Variants in WWP1 observed in about 807,000 individuals in gnomAD.
WWP1 encodes the protein WW domain containing E3 ubiquitin protein ligase 1.
A neutral mutation model predicts 130.6 loss-of-function variants in WWP1; 49 were observed. The observed-to-expected ratio is 0.38, with a 90% CI of 0.30 to 0.48. WWP1 has a LOEUF of 0.48. Ranked by LOEUF, WWP1 falls within the 20% of genes least tolerant of loss-of-function variation. The pLI is 0.99. For synonymous variants in WWP1, 332 were observed against 367.8 expected, an observed-to-expected ratio of 0.90 and a Z score of 1.11; for missense variants, 809 against 1,100.6, an observed-to-expected ratio of 0.74 and a Z score of 3.75.
intron 16 of WWP1, among the ~76,000 whole-genome samples, chr8:86,437,820 GAC>G (rs928269677): frequency 6.6e-6 from 1 of 151,658 alleles, no homozygotes; most frequent in African/African-American, 2.4e-5. Flanking sequence ...TTTTTTTTGA[GAC>G]AGAGTCTCGC....
chr8:86,364,898 T>G (rs776303417), intron 1 of WWP1, among the ~76,000 whole-genome samples: 1 of 150,764 alleles, frequency 6.6e-6, no homozygotes, highest in Non-Finnish European at 1.5e-5. Context: ...GAAAATAAAG[T>G]AAAATTAAAA....
intron 3 of WWP1, among the ~76,000 whole-genome samples, chr8:86,375,270 A>G (rs1013436192): frequency 6.6e-6 from 1 of 152,128 alleles, no homozygotes; most frequent in African/African-American, 2.4e-5. Context: ...TTATATCACC[A>G]AATTGATAAT....
At chr8:86,441,103 T>C (rs1320744580) in intron 17 of WWP1, among the ~76,000 whole-genome samples, 1 of 152,238 alleles carries the variant, frequency 6.6e-6, no homozygotes, top group Non-Finnish European at 1.5e-5. Context: ...GTAGATGCCA[T>C]GTTTTAGCCA....
intron 9 of WWP1, among the ~76,000 whole-genome samples, chr8:86,416,614 A>C (rs2130596361): frequency 6.6e-6 from 1 of 150,928 alleles, no homozygotes; most frequent in Non-Finnish European, 1.5e-5. Flanking sequence ...GTTCAGTACT[A>C]GGTTTTGAAA....
chr8:86,465,893 T>C (rs1812074864), intron 24 of WWP1, among the ~76,000 whole-genome samples: 1 of 152,202 alleles, frequency 6.6e-6, no homozygotes, highest in Non-Finnish European at 1.5e-5. Flanking sequence ...CACTGTTTTA[T>C]TTAGATGCCT....
Position 86,435,664 on chromosome 8 carries a change from AT to A in WWP1, c.1710del (p.Asn570LysfsTer18). 1 of 1,612,854 alleles carries A rather than the reference AT, an allele frequency of 6.2e-7. No homozygotes were observed. Among genetic ancestry groups the A allele is most frequent in the Non-Finnish European group, 8.5e-7 (1 of 1,179,842 alleles). On this transcript the variant is annotated frameshift_variant, in exon 16 of 25. Coordinates refer to ENST00000517970, the MANE Select transcript of WWP1 (RefSeq NM_007013.4). LOFTEE classifies it high-confidence loss of function. ...SNALPSHVKI[N>X]VSRQTLFEDS... Reference sequence around the variant, plus strand: ...GCACTACCTAGTCATGTAAAGATCAATGTGTCCCGGCAGACATTGTTTGAAG... The same window carrying A: ...GCACTACCTAGTCATGTAAAGATCAAGTGTCCCGGCAGACATTGTTTGAAG...
chr8:86,395,808 T>C (rs1563494181), intron 5 of WWP1, among the ~76,000 whole-genome samples: 1 of 152,228 alleles, frequency 6.6e-6, no homozygotes, highest in Non-Finnish European at 1.5e-5. Flanking sequence ...TTGAGATCAT[T>C]ACCAATACAA....
chr8:86,416,257 A>G (rs1275907302), intron 9 of WWP1, among the ~76,000 whole-genome samples: 2 of 152,050 alleles, frequency 1.3e-5, no homozygotes, highest in African/African-American at 4.8e-5. Flanking sequence ...AATGTAGAAA[A>G]CTCTTTCTGT....
At position 86,468,201 on chromosome 8, in the gene WWP1, A is replaced by G. The variant is rs999858415; in HGVS notation, c.*1308A>G. ...TTAAACATTTTTTAATAGCCATGGAACTGACTTCTTAAAATCTGTTGCCTA... is the reference window on the plus strand; with the variant it reads ...TTAAACATTTTTTAATAGCCATGGAGCTGACTTCTTAAAATCTGTTGCCTA... On this transcript the variant is annotated 3_prime_UTR_variant, in exon 25 of 25. Coordinates refer to ENST00000517970, the MANE Select transcript of WWP1 (RefSeq NM_007013.4). The G allele has an allele frequency of 1.8e-5, 5 of 272,172 alleles. No individual in the cohort carries two copies. The highest frequency in any genetic ancestry group is 3.6e-5 in the Non-Finnish European group (5 of 139,118). The allele number at this position is 272,172 out of a possible 1,614,324, so 16.9% of individuals were successfully genotyped here. A position where few individuals can be genotyped will look rare whatever the true frequency, so the allele number is the denominator to read the frequency against.
chr8:86,404,325 A>G (rs1348375994), intron 8 of WWP1, among the ~76,000 whole-genome samples: 1 of 152,196 alleles, frequency 6.6e-6, no homozygotes, highest in Non-Finnish European at 1.5e-5. Flanking sequence ...GATGGAATAC[A>G]TTGGTGAAAG....
Position 86,448,232 on chromosome 8 carries a change from G to A in WWP1, c.2083G>A (p.Asp695Asn), listed in dbSNP as rs1810990476. ...RMLSKKLTIKDLESIDTEFYN... is the reference protein window; with the variant it reads ...RMLSKKLTIKNLESIDTEFYN... Reference sequence around the variant, plus strand: ...GTTAAGTAAAAAACTTACTATTAAGGATTTGGAATCTATTGATACTGAATT... The same window carrying A: ...GTTAAGTAAAAAACTTACTATTAAGAATTTGGAATCTATTGATACTGAATT... The change falls in exon 19 of 25, where the codon GAT becomes AAT. Residue 695 changes from aspartate (D) to asparagine (N), a missense_variant. Around this residue, in one of 3 missense-constraint regions of WWP1, gnomAD observed 450 missense variants for 674.2 expected, o/e 0.67. Coordinates refer to ENST00000517970, the MANE Select transcript of WWP1 (RefSeq NM_007013.4). 5.7e-6 allele frequency: 9 copies of A among 1,583,222 alleles called. No homozygotes were observed. The highest frequency in any genetic ancestry group is 7.7e-6 in the Non-Finnish European group (9 of 1,172,496).
At chr8:86,390,483 A>T (rs1807243901) in intron 5 of WWP1, among the ~76,000 whole-genome samples, 1 of 152,212 alleles carries the variant, frequency 6.6e-6, no homozygotes, top group Non-Finnish European at 1.5e-5. Flanking sequence ...ACTCGCGGTC[A>T]GGAGCTGGAG....
intron 1 of WWP1, among the ~76,000 whole-genome samples, chr8:86,362,516 G>A (rs896057907): frequency 6.6e-6 from 1 of 151,990 alleles, no homozygotes; most frequent in Non-Finnish European, 1.5e-5. Flanking sequence ...AGAAGAATCG[G>A]TGACAAGCTT....
At chr8:86,403,448 A>G (rs1015792131) in intron 8 of WWP1, among the ~76,000 whole-genome samples, 3 of 152,056 alleles carry the variant, frequency 2.0e-5, no homozygotes, top group African/African-American at 7.2e-5. Context: ...GGTGTGTGCC[A>G]CCATGCCCCC....
chr8:86,463,952 T>C (rs1416220006), intron 24 of WWP1, among the ~76,000 whole-genome samples: 4 of 151,988 alleles, frequency 2.6e-5, no homozygotes, highest in Admixed American at 2.6e-4. Flanking sequence ...TCCCAGCTAC[T>C]CTGGAGGCTG....
intron 14 of WWP1, among the ~76,000 whole-genome samples, chr8:86,434,085 G>A (rs1259958097): frequency 6.6e-6 from 1 of 152,092 alleles, no homozygotes; most frequent in African/African-American, 2.4e-5. Context: ...ATTATCTGTT[G>A]CCTGGCTTGG....
intron 22 of WWP1, among the ~76,000 whole-genome samples, chr8:86,459,680 G>A (rs1453752994): frequency 6.6e-6 from 1 of 152,180 alleles, no homozygotes; most frequent in African/African-American, 2.4e-5. Context: ...TAAAATATCT[G>A]AACTGCATTA....
chr8:86,424,293 C>T (rs1421038544), intron 9 of WWP1, among the ~76,000 whole-genome samples: 17 of 149,400 alleles, frequency 1.1e-4, no homozygotes, highest in Non-Finnish European at 1.9e-4. Context: ...GGATGGCGGC[C>T]GGGAAGAGGC....
At chr8:86,414,776 TAAAA>T (rs935911385) in intron 9 of WWP1, among the ~76,000 whole-genome samples, 4 of 151,998 alleles carry the variant, frequency 2.6e-5, no homozygotes, top group African/African-American at 9.7e-5. Flanking sequence ...GTAGATGAAA[TAAAA>T]AAATTCTGTG....
Sources: gnomAD v4.1 joint callset for allele counts (sites outside exome capture counted in the v4.1 genomes callset) on GRCh38, gnomAD v4.1.1 for gene constraint, gnomAD v4.1.1 regional missense constraint, MANE v1.5 for transcripts, NCBI Gene and HGNC (gene_info 2026-07-23, HGNC 2026-07-21) for gene names.